TTC29: variants seen among roughly 807,000 people sequenced by gnomAD.
TTC29 encodes tetratricopeptide repeat protein 29.
A neutral mutation model predicts 58.1 loss-of-function variants in TTC29; 49 were observed. That is an observed-to-expected ratio of 0.84 (90% CI 0.67 to 1.07). The LOEUF is 1.07. Among genes scored for constraint, TTC29 ranks in the 50% least tolerant of loss-of-function variants. TTC29 has a pLI of 0.00. For synonymous variants in TTC29, 209 were observed against 196.8 expected, an observed-to-expected ratio of 1.06 and a Z score of -0.52; for missense variants, 582 against 555.6, an observed-to-expected ratio of 1.05 and a Z score of -0.48.
Position 146,763,506 on chromosome 4 carries a change from G to A in TTC29, c.1330+39951C>T, listed in dbSNP as rs17021912. On this transcript the variant is annotated intron_variant, in intron 11 of 12. Transcript: ENST00000325106. ...ATGTAACATTCATCCATATTCAAAT[G>A]ACTGGAAGTTTAAGTATTGTGAGAC... is the stretch of plus-strand genomic sequence containing the variant. 4.2e-3 allele frequency among the ~76,000 whole-genome samples: 642 copies of A among 152,152 alleles called. 3 individuals are homozygous for A. The highest frequency in any genetic ancestry group is 0.015 in the African/African-American group (607 of 41,516).
At chr4:146,898,856 A>C (rs1732948341) in intron 6 of TTC29, among the ~76,000 whole-genome samples, 1 of 152,216 alleles carries the variant, frequency 6.6e-6, no homozygotes, top group African/African-American at 2.4e-5. Flanking sequence ...TGAAGGGTTA[A>C]CTTGTCCAAG....
At chr4:146,903,795 G>A (rs901368042) in intron 5 of TTC29, 66 bp from the exon 6 acceptor site, 90 of 1,186,670 alleles carry the variant, frequency 7.6e-5, no homozygotes, top group Admixed American at 1.5e-4. Context: ...CCTTTAGAAC[G>A]GCAAACCAAT....
chr4:146,942,765 T>C (rs1288103547), intron 2 of TTC29: 1 of 674,298 alleles, frequency 1.5e-6, no homozygotes, highest in Non-Finnish European at 2.3e-6. Context: ...AATTTTAGAC[T>C]CTTTTCTAAA....
intron 12 of TTC29, 80 bp downstream of exon 12, chr4:146,707,405 G>A (rs1742039273): frequency 2.9e-6 from 3 of 1,040,502 alleles, no homozygotes; most frequent in Admixed American, 2.3e-5. Flanking sequence ...TCCTCTTTTT[G>A]TGTTTGGAGA....
intron 10 of TTC29, among the ~76,000 whole-genome samples, chr4:146,817,756 C>G (rs1267128728): frequency 2.0e-5 from 3 of 152,144 alleles, no homozygotes; most frequent in African/African-American, 4.8e-5. Context: ...TGGAACAGAA[C>G]AGAGCCCTCA....
At chr4:146,782,105 A>G (rs1363429394) in intron 11 of TTC29, among the ~76,000 whole-genome samples, 1 of 151,778 alleles carries the variant, frequency 6.6e-6, no homozygotes, top group Non-Finnish European at 1.5e-5. Context: ...GCAACAACCT[A>G]TTACAAATTC....
chr4:146,859,690 A>G (rs1017546001), intron 8 of TTC29, among the ~76,000 whole-genome samples: 4 of 152,134 alleles, frequency 2.6e-5, no homozygotes, highest in African/African-American at 9.7e-5. Context: ...GAGAAGAGAG[A>G]GGAGTGATAA....
intron 6 of TTC29, among the ~76,000 whole-genome samples, chr4:146,876,954 A>AT (rs70958533): frequency 6.6e-6 from 1 of 150,772 alleles, no homozygotes; most frequent in East Asian, 2.0e-4. Context: ...AAAAAAAAAA[A>AT]GCAAAATTTA....
intron 9 of TTC29, among the ~76,000 whole-genome samples, chr4:146,823,249 A>G (rs750271722): frequency 6.6e-6 from 1 of 152,178 alleles, no homozygotes; most frequent in Non-Finnish European, 1.5e-5. Context: ...TTTACATTTA[A>G]GTCTTTAATT....
chr4:146,900,313 C>T (rs1353320240), intron 6 of TTC29, among the ~76,000 whole-genome samples: 1 of 152,172 alleles, frequency 6.6e-6, no homozygotes. Context: ...CAAAATAACA[C>T]ACTCTCAAAT....
At chr4:146,868,641 T>C (rs1414638831) in intron 7 of TTC29, among the ~76,000 whole-genome samples, 1 of 152,166 alleles carries the variant, frequency 6.6e-6, no homozygotes, top group Non-Finnish European at 1.5e-5. Flanking sequence ...TCATACCATT[T>C]GGCAAATATA....
intron 11 of TTC29, among the ~76,000 whole-genome samples, chr4:146,767,601 C>T (rs142136170): frequency 1.8e-3 from 279 of 152,108 alleles, no homozygotes; most frequent in African/African-American, 6.4e-3. Flanking sequence ...TGTTAATTCA[C>T]ATAACATACC....
At chr4:146,912,612 C>T (rs1733968734) in intron 4 of TTC29, among the ~76,000 whole-genome samples, 1 of 151,978 alleles carries the variant, frequency 6.6e-6, no homozygotes, top group Admixed American at 6.6e-5. Flanking sequence ...TAGGGAGGAT[C>T]AAGGCTCAGG....
chr4:146,765,967 T>C (rs1053504673), intron 11 of TTC29, among the ~76,000 whole-genome samples: 1 of 152,120 alleles, frequency 6.6e-6, no homozygotes, highest in Admixed American at 6.6e-5. Context: ...GTCAGGTAGC[T>C]GGATTCTCAA....
At chr4:146,773,045 C>T (rs1434928498) in intron 11 of TTC29, among the ~76,000 whole-genome samples, 1 of 152,042 alleles carries the variant, frequency 6.6e-6, no homozygotes, top group Non-Finnish European at 1.5e-5. Context: ...TATAGAAATG[C>T]TACTGATTTT....
intron 11 of TTC29, among the ~76,000 whole-genome samples, chr4:146,772,589 T>C (rs368274592): frequency 6.2e-4 from 94 of 152,264 alleles, no homozygotes; most frequent in African/African-American, 2.1e-3. Context: ...TATGTGCCTG[T>C]TTTTGTACCA....
At chr4:146,820,280 T>C in intron 9 of TTC29, 32 bp from the exon 10 acceptor site, 3 of 1,600,594 alleles carry the variant, frequency 1.9e-6, no homozygotes, top group Non-Finnish European at 2.6e-6. Flanking sequence ...GTCAATGGAG[T>C]ATCATCTCAC....
chr4:146,819,151 A>AT (rs1561156237), intron 10 of TTC29, among the ~76,000 whole-genome samples: 10 of 151,524 alleles, frequency 6.6e-5, no homozygotes. Flanking sequence ...AAATAAAAAA[A>AT]TAAAAAAAAG....
rs960301068 is a variant in TTC29 at position 146,941,705 on chromosome 4, T to C, written c.-6-1804A>G. ...GATGGTTACTCTAAAAACTGGCTTT[T>C]ATTCTTATTGAGGTAAGAATCCATT... On this transcript the variant is annotated intron_variant, in intron 2 of 12. Coordinates refer to ENST00000325106, the MANE Select transcript of TTC29 (RefSeq NM_031956.4). Among the ~76,000 whole-genome samples the C allele has an allele frequency of 5.7e-4, 87 of 152,220 alleles. 5 individuals are homozygous for C. The highest frequency in any genetic ancestry group is 8.8e-5 in the Non-Finnish European group (6 of 68,050).
Sources: allele counts gnomAD v4.1 joint callset (sites outside exome capture counted in the v4.1 genomes callset), GRCh38; gene constraint gnomAD v4.1.1; transcripts MANE v1.5; gene names NCBI Gene and HGNC (gene_info 2026-07-23, HGNC 2026-07-21).